The following GRIN2B variants were observed in gnomAD, a reference collection of about 807,000 sequenced individuals.
The protein encoded by GRIN2B is glutamate ionotropic receptor NMDA type subunit 2B.
Under a neutral mutation model 114.5 loss-of-function variants are expected in GRIN2B, and 5 were observed. The ratio of observed to expected loss-of-function variants is 0.04; its 90% CI spans 0.02 to 0.09. The LOEUF is 0.09. GRIN2B is among the 10% of genes least tolerant of loss of function. The pLI is 1.00. For missense variants in GRIN2B, 1,108 were observed against 1,943.5 expected (o/e 0.57, Z 8.08); for synonymous variants, 787 against 745.1 (o/e 1.06, Z -0.92).
At chr12:13,743,210 G>C (rs550881866) in intron 4 of GRIN2B, among the ~76,000 whole-genome samples, 3 of 152,338 alleles carry the variant, frequency 2.0e-5, no homozygotes, top group African/African-American at 7.2e-5. Flanking sequence ...AGAAACAGCA[G>C]TCATTTTAGG....
chr12:13,698,642 C>A (rs1459142584), intron 4 of GRIN2B, among the ~76,000 whole-genome samples: 1 of 152,086 alleles, frequency 6.6e-6, no homozygotes, highest in African/African-American at 2.4e-5. Flanking sequence ...CAAAGAAGAT[C>A]TACTTTGATC....
At chr12:13,945,389 A>T (rs559700516) in intron 2 of GRIN2B, among the ~76,000 whole-genome samples, 1 of 152,190 alleles carries the variant, frequency 6.6e-6, no homozygotes, top group East Asian at 1.9e-4. Flanking sequence ...ATCACTCCAG[A>T]TCCCTGTCAC....
intron 3 of GRIN2B, among the ~76,000 whole-genome samples, chr12:13,762,437 A>G (rs1475244378): frequency 1.3e-5 from 2 of 152,252 alleles, no homozygotes; most frequent in Non-Finnish European, 2.9e-5. Context: ...AGTTAAGTGC[A>G]AGCCAGTGAT....
chr12:13,638,641 C>G (rs1274541099), intron 5 of GRIN2B, among the ~76,000 whole-genome samples: 3 of 152,114 alleles, frequency 2.0e-5, no homozygotes, highest in Non-Finnish European at 4.4e-5. Context: ...GAGTCCATCT[C>G]TGTTTGAACT....
At chr12:13,616,386 CCAAGTGCTAA>C (rs2136481024) in intron 6 of GRIN2B, 59 bp downstream of exon 6, 1 of 1,142,622 alleles carries the variant, frequency 8.8e-7, no homozygotes, top group African/African-American at 1.5e-5. Flanking sequence ...CTCAGGCCAG[CCAAGTGCTAA>C]CAGGTGCATC....
intron 3 of GRIN2B, among the ~76,000 whole-genome samples, chr12:13,857,372 T>TACACAC (rs142914230): frequency 0.011 from 1,615 of 147,664 alleles, 22 homozygotes; most frequent in African/African-American, 0.037. Context: ...CACGCGTGCA[T>TACACAC]ACACACACAC....
At chr12:13,618,202 G>T (rs1386199166) in intron 5 of GRIN2B, among the ~76,000 whole-genome samples, 1 of 152,128 alleles carries the variant, frequency 6.6e-6, no homozygotes, top group Non-Finnish European at 1.5e-5. Flanking sequence ...CCAGCCAGTG[G>T]AGATACTAAT....
intron 3 of GRIN2B, among the ~76,000 whole-genome samples, chr12:13,855,356 G>C (rs957123689): frequency 5.9e-5 from 9 of 152,182 alleles, no homozygotes; most frequent in Non-Finnish European, 1.2e-4. Flanking sequence ...CACAGTAAGT[G>C]GTGATAGAAC....
intron 4 of GRIN2B, among the ~76,000 whole-genome samples, chr12:13,698,063 A>C (rs1400367667): frequency 6.6e-6 from 1 of 152,172 alleles, no homozygotes; most frequent in Admixed American, 6.5e-5. Context: ...GAACAGCACT[A>C]TTTCTTCCAG....
chr12:13,780,915 A>C (rs1003630932), intron 3 of GRIN2B, among the ~76,000 whole-genome samples: 4 of 152,134 alleles, frequency 2.6e-5, no homozygotes, highest in Non-Finnish European at 5.9e-5. Flanking sequence ...AAAGGGAAAA[A>C]AATGGAATAA....
chr12:13,932,996 T>C (rs930670120), intron 2 of GRIN2B, among the ~76,000 whole-genome samples: 1 of 131,788 alleles, frequency 7.6e-6, no homozygotes. Flanking sequence ...TGCGTGTGCG[T>C]GTGTGTGTGT....
intron 2 of GRIN2B, among the ~76,000 whole-genome samples, chr12:13,926,493 C>T (rs969477577): frequency 5.9e-5 from 9 of 152,104 alleles, no homozygotes; most frequent in Admixed American, 2.6e-4. Context: ...CCACCTTGTA[C>T]GATAACCCTC....
At chr12:13,886,401 C>A (rs556793853) in intron 2 of GRIN2B, among the ~76,000 whole-genome samples, 31 of 152,266 alleles carry the variant, frequency 2.0e-4, no homozygotes, top group African/African-American at 6.5e-4. Context: ...CAAGCTCAAC[C>A]AATTAGGAAA....
chr12:13,735,899 T>TC (rs199956849), intron 4 of GRIN2B, among the ~76,000 whole-genome samples: 3,612 of 150,506 alleles, frequency 0.024, 153 homozygotes, highest in African/African-American at 0.084. Context: ...AAGACAGGAT[T>TC]TTTTTTTTTG....
At chr12:13,821,948 C>T (rs560328292) in intron 3 of GRIN2B, among the ~76,000 whole-genome samples, 3 of 152,226 alleles carry the variant, frequency 2.0e-5, no homozygotes, top group Admixed American at 2.0e-4. Flanking sequence ...TGTAAGAAGC[C>T]TGCCATAAAT....
intron 4 of GRIN2B, among the ~76,000 whole-genome samples, chr12:13,751,688 C>T (rs998723836): frequency 8.6e-5 from 13 of 152,020 alleles, no homozygotes; most frequent in Non-Finnish European, 1.6e-4. Context: ...ACTGTGAGTT[C>T]GAAGTGCCCA....
chr12:13,782,867 T>C (rs1591727648), intron 3 of GRIN2B, among the ~76,000 whole-genome samples: 1 of 152,166 alleles, frequency 6.6e-6, no homozygotes, highest in African/African-American at 2.4e-5. Context: ...AGTACAGATA[T>C]GGAAAGAGTC....
At chr12:13,649,052 G>C (rs2136514648) in intron 5 of GRIN2B, among the ~76,000 whole-genome samples, 1 of 152,224 alleles carries the variant, frequency 6.6e-6, no homozygotes, top group East Asian at 1.9e-4. Flanking sequence ...CCTGCCACTA[G>C]TGTAATTGTG....
rs189447103 is a variant in GRIN2B, at chr12:13,919,300, C to T, written c.-18-53074G>A. The stretch of plus-strand genomic sequence containing the variant: ...TCTAGGAGTCCCCATATATCATGTA[C>T]GTAAAAAGCCAAAAAAGTCAAGTTA... On this transcript the variant is annotated intron_variant, in intron 2 of 13. Coordinates refer to ENST00000609686, the MANE Select transcript of GRIN2B (RefSeq NM_000834.5). Among the ~76,000 whole-genome samples, 6 of 152,160 alleles carry T rather than the reference C, an allele frequency of 3.9e-5. No individual in the cohort carries two copies. In the East Asian group the frequency reaches 5.8e-4, roughly 15 times the overall value.
Sources: allele counts gnomAD v4.1 joint callset (sites outside exome capture counted in the v4.1 genomes callset), GRCh38; gene constraint gnomAD v4.1.1; transcripts MANE v1.5; gene names NCBI Gene and HGNC (gene_info 2026-07-23, HGNC 2026-07-21).